Variants in SLC10A7 observed in about 807,000 individuals in gnomAD.
The protein encoded by SLC10A7 is solute carrier family 10 member 7, also known as sodium/bile acid cotransporter 7.
Under a neutral mutation model 43.2 loss-of-function variants are expected in SLC10A7, and 29 were observed. The observed-to-expected ratio is 0.67, with a 90% CI of 0.50 to 0.92. The LOEUF (loss-of-function observed/expected upper bound fraction) is 0.92. Ranked by LOEUF, SLC10A7 falls within the 40% of genes least tolerant of loss-of-function variation. The pLI is 0.00. For missense variants in SLC10A7, 295 were observed against 403.2 expected (o/e 0.73, Z 2.30); for synonymous variants, 152 against 144.8 (o/e 1.05, Z -0.35).
At chr4:146,441,957 T>C (rs1441860997) in intron 5 of SLC10A7, 1 of 981,626 alleles carries the variant, frequency 1.0e-6, no homozygotes, top group Admixed American at 6.2e-5. Flanking sequence ...TGAACTAGTT[T>C]ATACATCACT....
chr4:146,494,649 C>A (rs977420358), intron 4 of SLC10A7, among the ~76,000 whole-genome samples: 1 of 152,000 alleles, frequency 6.6e-6, no homozygotes, highest in African/African-American at 2.4e-5. Flanking sequence ...AGATGAGTGG[C>A]CATCTCCACT....
At chr4:146,284,718 C>T (rs532427585) in intron 9 of SLC10A7, among the ~76,000 whole-genome samples, 1 of 152,270 alleles carries the variant, frequency 6.6e-6, no homozygotes, top group South Asian at 2.1e-4. Context: ...ATTTTATTCT[C>T]ATATTGATAT....
intron 5 of SLC10A7, among the ~76,000 whole-genome samples, chr4:146,326,608 G>C (rs1395125742): frequency 6.6e-6 from 1 of 152,198 alleles, no homozygotes; most frequent in Admixed American, 6.5e-5. Flanking sequence ...ATGAGCAAAA[G>C]ATTTGTTTTC....
At chr4:146,386,026 T>C (rs6843145) in intron 5 of SLC10A7, among the ~76,000 whole-genome samples, 35,974 of 152,098 alleles carry the variant, frequency 0.24, 4,657 homozygotes, top group African/African-American at 0.34. Flanking sequence ...CTATTGTGAA[T>C]AATTCAGTGA....
At chr4:146,313,809 G>A (rs1732144058) in intron 6 of SLC10A7, among the ~76,000 whole-genome samples, 1 of 152,002 alleles carries the variant, frequency 6.6e-6, no homozygotes. Context: ...CTCCTATTAA[G>A]CTCAGTTCGA....
At chr4:146,374,114 A>G (rs1288738850) in intron 5 of SLC10A7, among the ~76,000 whole-genome samples, 2 of 152,058 alleles carry the variant, frequency 1.3e-5, no homozygotes, top group East Asian at 1.9e-4. Flanking sequence ...CTGCTTCTCC[A>G]TTTTCTATTT....
chr4:146,285,741 G>C (rs1729852115), intron 9 of SLC10A7, among the ~76,000 whole-genome samples: 1 of 152,356 alleles, frequency 6.6e-6, no homozygotes, highest in Middle Eastern at 3.4e-3. Flanking sequence ...TGATGCTGAT[G>C]TATGCTAGAT....
chr4:146,478,455 C>G (rs1206430928), intron 4 of SLC10A7, among the ~76,000 whole-genome samples: 4 of 152,122 alleles, frequency 2.6e-5, no homozygotes, highest in Admixed American at 2.6e-4. Flanking sequence ...CATATTATAC[C>G]TTTAAGGCCC....
intron 10 of SLC10A7, among the ~76,000 whole-genome samples, chr4:146,271,851 C>A (rs1728917241): frequency 6.6e-6 from 1 of 152,172 alleles, no homozygotes; most frequent in Non-Finnish European, 1.5e-5. Flanking sequence ...TTGGAATCTC[C>A]TTCCCCGAAA....
At chr4:146,354,733 G>T (rs1160262571) in intron 5 of SLC10A7, among the ~76,000 whole-genome samples, 1 of 148,854 alleles carries the variant, frequency 6.7e-6, no homozygotes, top group South Asian at 2.2e-4. Context: ...AAATAATGCC[G>T]CATATCTACA....
chr4:146,485,877 G>GA (rs1213424293), intron 4 of SLC10A7, among the ~76,000 whole-genome samples: 2 of 152,036 alleles, frequency 1.3e-5, no homozygotes, highest in African/African-American at 2.4e-5. Context: ...AGACAATGAC[G>GA]AAAGAAAAGG....
At chr4:146,504,032 T>A (rs1736664692) in intron 3 of SLC10A7, 108 bp from the exon 4 acceptor site, 1 of 914,664 alleles carries the variant, frequency 1.1e-6, no homozygotes, top group Admixed American at 2.1e-5. Flanking sequence ...TAAGGGCATA[T>A]TTATTGATGC....
chr4:146,348,204 G>T (rs1734762384), intron 5 of SLC10A7, among the ~76,000 whole-genome samples: 1 of 152,116 alleles, frequency 6.6e-6, no homozygotes, highest in South Asian at 2.1e-4. Flanking sequence ...AACCTCGTTG[G>T]CTTCTGAGGT....
At chr4:146,385,359 C>T (rs1737918103) in intron 5 of SLC10A7, among the ~76,000 whole-genome samples, 1 of 152,092 alleles carries the variant, frequency 6.6e-6, no homozygotes, top group African/African-American at 2.4e-5. Context: ...AAATGCCTCA[C>T]TTTTAAAACA....
chr4:146,333,379 G>T (rs1733665772), intron 5 of SLC10A7, among the ~76,000 whole-genome samples: 1 of 152,074 alleles, frequency 6.6e-6, no homozygotes, highest in Non-Finnish European at 1.5e-5. Context: ...CACAATCAAT[G>T]CCCTCAACGT....
At chr4:146,300,490 A>G (rs1210747239) in intron 7 of SLC10A7, among the ~76,000 whole-genome samples, 1 of 152,220 alleles carries the variant, frequency 6.6e-6, no homozygotes, top group Non-Finnish European at 1.5e-5. Context: ...TGGTGATTAT[A>G]GGAGGAGGTG....
intron 10 of SLC10A7, among the ~76,000 whole-genome samples, chr4:146,271,268 A>T (rs1728875749): frequency 6.6e-6 from 1 of 152,178 alleles, no homozygotes; most frequent in Non-Finnish European, 1.5e-5. Flanking sequence ...ATCTGTTCCC[A>T]CATGACTTTC....
intron 1 of SLC10A7, among the ~76,000 whole-genome samples, chr4:146,520,962 C>CACACT (rs996269365): frequency 2.2e-4 from 34 of 152,222 alleles, no homozygotes; most frequent in South Asian, 4.1e-4. Context: ...TGCCAAAACA[C>CACACT]ACACTACACT....
intron 4 of SLC10A7, among the ~76,000 whole-genome samples, chr4:146,474,176 C>T (rs535329651): frequency 2.2e-3 from 338 of 151,184 alleles, no homozygotes; most frequent in Non-Finnish European, 4.1e-3. Flanking sequence ...TAAGTAAATC[C>T]TGAGCTATTT....
Sources: allele counts gnomAD v4.1 joint callset (sites outside exome capture counted in the v4.1 genomes callset), GRCh38; gene constraint gnomAD v4.1.1; transcripts MANE v1.5; gene names NCBI Gene and HGNC (gene_info 2026-07-23, HGNC 2026-07-21).